ANKRD18B: variants seen among roughly 807,000 people sequenced by gnomAD.
ANKRD18B encodes the protein ankyrin repeat domain-containing protein 18B.
In ANKRD18B, 75 loss-of-function variants were observed where a neutral mutation model predicts 111.8. That is an observed-to-expected ratio of 0.67 (90% confidence interval 0.56 to 0.81). The LOEUF (loss-of-function observed/expected upper bound fraction) is 0.81, where lower values mean the gene tolerates loss of function less well. Among genes scored for constraint, ANKRD18B ranks in the 40% least tolerant of loss-of-function variants. ANKRD18B has a pLI of 0.00. For synonymous variants in ANKRD18B, 356 were observed against 417.3 expected, an observed-to-expected ratio of 0.85 and a Z score of 1.79; for missense variants, 1,038 against 1,225.5, an observed-to-expected ratio of 0.85 and a Z score of 2.28.
intron 16 of ANKRD18B, 65 bp from the exon 17 acceptor site, chr9:33,568,606 C>G (rs1828721145): frequency 7.2e-7 from 1 of 1,388,618 alleles, no homozygotes; most frequent in Non-Finnish European, 9.5e-7. Context: ...TTAAAAAATG[C>G]AAGTCATTAA....
chr9:33,572,645 A>G lies in ANKRD18B; in HGVS notation c.*211A>G, dbSNP rs1390973368. ...GTGTTATTGAGTTTGACCTACTCAAATTGCCTGAATGTCAGCTGTTTAAAC... is the reference window on the plus strand; with the variant it reads ...GTGTTATTGAGTTTGACCTACTCAAGTTGCCTGAATGTCAGCTGTTTAAAC... On this transcript the variant is annotated 3_prime_UTR_variant, in exon 19 of 19. Transcript: ENST00000684830. 8.6e-7 allele frequency: 1 copy of G among 1,161,582 alleles called. No homozygotes were observed. Among genetic ancestry groups the G allele is most frequent in the African/African-American group, 1.6e-5 (1 of 62,326 alleles). The allele number at this position is 1,161,582 out of a possible 1,614,324, so 72.0% of individuals were successfully genotyped here. A position where few individuals can be genotyped will look rare whatever the true frequency, so the allele number is the denominator to read the frequency against.
intron 17 of ANKRD18B, among the ~76,000 whole-genome samples, chr9:33,570,916 G>T (rs569204341): frequency 6.6e-6 from 1 of 152,222 alleles, no homozygotes; most frequent in Admixed American, 6.5e-5. Context: ...GATTACAGGC[G>T]TGAGCTGCCA....
At position 33,572,356 on chromosome 9, in the gene ANKRD18B, T is replaced by C. The variant is rs752182818; in HGVS notation, c.3264T>C (p.Ser1088=). 4 of 1,611,648 alleles carry C rather than the reference T, an allele frequency of 2.5e-6. No homozygotes were observed. Among genetic ancestry groups the C allele is most frequent in the Non-Finnish European group, 3.4e-6 (4 of 1,178,838 alleles). The part of the protein sequence containing the change: ...ALGPCSYLLS[S]LESTGKPHLM... Reference sequence around the variant, plus strand: ...GCCCTTGCTCCTATCTACTTTCTTCTCTAGAATCCACTGGTAAGCCACATC... The same window carrying C: ...GCCCTTGCTCCTATCTACTTTCTTCCCTAGAATCCACTGGTAAGCCACATC... The change falls in exon 19 of 19, where the codon TCT becomes TCC. Residue 1088 remains serine (S), a synonymous_variant. Transcript: ENST00000684830.
At chr9:33,568,418 G>A (rs915695189) in intron 16 of ANKRD18B, among the ~76,000 whole-genome samples, 1 of 152,184 alleles carries the variant, frequency 6.6e-6, no homozygotes, top group African/African-American at 2.4e-5. Context: ...ATCACTGATA[G>A]CCATTTCTCT....
rs765961031 is a variant in ANKRD18B, at chr9:33,572,274, A to G, written c.3224-42A>G. The G allele has an allele frequency of 1.8e-5, 26 of 1,476,398 alleles. No homozygotes were observed. The South Asian group carries it at 2.9e-4, about 17-fold the overall frequency. The allele number at this position is 1,476,398 out of a possible 1,614,324, so 91.5% of individuals were successfully genotyped here. A position where few individuals can be genotyped will look rare whatever the true frequency, so the allele number is the denominator to read the frequency against. ...TTAAACTTACACTTCGTTAACTGAAATGTTTTAGGTAAAGAACATAATCCT... is the reference window on the plus strand; with the variant it reads ...TTAAACTTACACTTCGTTAACTGAAGTGTTTTAGGTAAAGAACATAATCCT... On this transcript the variant is annotated intron_variant, in intron 18 of 18. Coordinates refer to ENST00000684830, the MANE Select transcript of ANKRD18B (RefSeq NM_001393611.1).
chr9:33,548,399 A>C lies in ANKRD18B; in HGVS notation c.1611A>C (p.Thr537=). ...ETMGSNISQL[T]DKNELLTEQV... ...TGGGTTCTAATATTTCTCAACTAAC[A>C]GATAAGAATGAGTTGCTTACTGAAC... Residue 537 remains threonine (T), a synonymous_variant, in exon 11 of 19, where the codon ACA becomes ACC. Transcript: ENST00000684830. 6.4e-7 allele frequency: 1 copy of C among 1,550,850 alleles called. No individual in the cohort carries two copies.
chr9:33,548,672 A>C lies in ANKRD18B; in HGVS notation c.1884A>C (p.Glu628Asp). The change falls in exon 11 of 19, where the codon GAA becomes GAC. Residue 628 changes from glutamate to aspartate, a missense_variant. By Grantham distance (45) the Glu-to-Asp change is conservative. Around this residue, in one of 4 missense-constraint regions of ANKRD18B, gnomAD observed 524 missense variants for 677.9 expected, o/e 0.77. Coordinates refer to ENST00000684830, the MANE Select transcript of ANKRD18B (RefSeq NM_001393611.1). ...RQRELENLLL[E>D]RQLEDARKEG... ...GAGAACTTGAAAATCTCTTGCTTGA[A>C]CGACAACTAGAGGATGCTCGTAAGG... is the stretch of plus-strand genomic sequence containing the variant. 6.4e-7 allele frequency: 1 copy of C among 1,551,268 alleles called. No individual in the cohort carries two copies. The highest frequency in any genetic ancestry group is 8.7e-7 in the Non-Finnish European group (1 of 1,146,672).
chr9:33,550,349 A>G (rs1828428341), intron 11 of ANKRD18B, 81 bp from the exon 12 acceptor site: 2 of 1,345,764 alleles, frequency 1.5e-6, no homozygotes, highest in Non-Finnish European at 2.0e-6. Context: ...TAATTTTCAA[A>G]GTATGTATGC....
chr9:33,536,658 C>T (rs1828206005), intron 5 of ANKRD18B, among the ~76,000 whole-genome samples: 1 of 152,208 alleles, frequency 6.6e-6, no homozygotes, highest in Non-Finnish European at 1.5e-5. Context: ...AATTAATTTA[C>T]TGAGCTATGC....
At chr9:33,570,895 C>CA (rs1335765403) in intron 17 of ANKRD18B, among the ~76,000 whole-genome samples, 2 of 152,146 alleles carry the variant, frequency 1.3e-5, no homozygotes, top group African/African-American at 4.8e-5. Flanking sequence ...ATTTGCCTCC[C>CA]AAAGTGCTGG....
chr9:33,525,767 T>C (rs533904593), intron 1 of ANKRD18B, among the ~76,000 whole-genome samples: 6 of 149,880 alleles, frequency 4.0e-5, no homozygotes, highest in Non-Finnish European at 5.9e-5. Context: ...TATATAAAAA[T>C]ATATATTCAG....
Position 33,548,065 on chromosome 9 carries a change from A to G in ANKRD18B, c.1277A>G (p.Tyr426Cys). 2 of 1,537,772 alleles carry G rather than the reference A, an allele frequency of 1.3e-6. No individual in the cohort carries two copies. The highest frequency in any genetic ancestry group is 1.8e-6 in the Non-Finnish European group (2 of 1,142,580). ...GACAGTCTCAGAAAGGAAAAGAAAT[A>G]TATTCAGGAAATTAAAAGTATTACA... is the stretch of plus-strand genomic sequence containing the variant. ...KNDSLRKEKK[Y>C]IQEIKSITEI... Residue 426 changes from tyrosine to cysteine, a missense_variant, in exon 11 of 19, where the codon TAT becomes TGT. Coordinates refer to ENST00000684830, the MANE Select transcript of ANKRD18B (RefSeq NM_001393611.1).
intron 15 of ANKRD18B, 121 bp downstream of exon 15, chr9:33,566,621 T>C: frequency 1.6e-6 from 2 of 1,226,394 alleles, no homozygotes; most frequent in East Asian, 2.8e-5. Context: ...ATTTCCTTTG[T>C]AGAGCTCTAG....
chr9:33,526,495 T>G (rs1339801583), intron 1 of ANKRD18B, among the ~76,000 whole-genome samples: 1 of 152,226 alleles, frequency 6.6e-6, no homozygotes, highest in Non-Finnish European at 1.5e-5. Context: ...TCTGAGCATT[T>G]GTATTTTAAA....
In ANKRD18B at chr9:33,571,298, T is replaced by C; in HGVS notation, c.3223+7T>C. On this transcript the variant is annotated splice_region_variant and intron_variant, in intron 18 of 18. Coordinates refer to ENST00000684830, the MANE Select transcript of ANKRD18B (RefSeq NM_001393611.1). ...ATTACAGAAACAAAGAAAAGTATGT[T>C]GCCAAAATGTATTAATTAAATTTAG... is the stretch of plus-strand genomic sequence containing the variant. 3 of 1,156,788 alleles carry C rather than the reference T, an allele frequency of 2.6e-6. No homozygotes were observed. Among genetic ancestry groups the C allele is most frequent in the Non-Finnish European group, 3.3e-6 (3 of 911,344 alleles). The allele number at this position is 1,156,788 out of a possible 1,614,324, so 71.7% of individuals were successfully genotyped here.
At position 33,529,133 on chromosome 9, in the gene ANKRD18B, G is replaced by C. The variant is rs1438589113; in HGVS notation, c.455G>C (p.Arg152Thr). The C allele has an allele frequency of 1.2e-6, 2 of 1,611,778 alleles. No individual in the cohort carries two copies. The highest frequency in any genetic ancestry group is 3.3e-5 in the Admixed American group (2 of 59,972). Residue 152 changes from arginine (R) to threonine (T), a missense_variant, in exon 3 of 19, where the codon AGA becomes ACA. Coordinates refer to ENST00000684830, the MANE Select transcript of ANKRD18B (RefSeq NM_001393611.1). ...AATGAGGGGACTTCACTGGCAGAAA[G>C]ACTGCTTTCCCACCATGCAAATATT... ...VYNEGTSLAERLLSHHANIEA... is the reference protein window; with the variant it reads ...VYNEGTSLAETLLSHHANIEA...
chr9:33,553,235 G>A (rs1828472925), intron 12 of ANKRD18B, among the ~76,000 whole-genome samples: 1 of 152,054 alleles, frequency 6.6e-6, no homozygotes, highest in African/African-American at 2.4e-5. Context: ...GGGCATGGTG[G>A]TGCATGCCTG....
chr9:33,551,885 T>C (rs1290280963), intron 12 of ANKRD18B, among the ~76,000 whole-genome samples: 1 of 152,220 alleles, frequency 6.6e-6, no homozygotes, highest in African/African-American at 2.4e-5. Flanking sequence ...CAATGTCCTC[T>C]TCTTGAAGCT....
chr9:33,548,588 A>G lies in ANKRD18B; in HGVS notation c.1800A>G (p.Glu600=). 1 of 1,551,432 alleles carries G rather than the reference A, an allele frequency of 6.4e-7. No individual in the cohort carries two copies. The highest frequency in any genetic ancestry group is 8.7e-7 in the Non-Finnish European group (1 of 1,146,690). Residue 600 remains glutamate, a synonymous_variant, in exon 11 of 19, where the codon GAA becomes GAG. Coordinates refer to ENST00000684830, the MANE Select transcript of ANKRD18B (RefSeq NM_001393611.1). ...KEMKQMHPNG[E]AKESQSIGKQ... ...TGAAGCAGATGCATCCAAATGGGGAAGCTAAAGAAAGTCAATCCATTGGAA... is the reference window on the plus strand; with the variant it reads ...TGAAGCAGATGCATCCAAATGGGGAGGCTAAAGAAAGTCAATCCATTGGAA...
Sources: gnomAD v4.1 joint callset for allele counts (sites outside exome capture counted in the v4.1 genomes callset) on GRCh38, gnomAD v4.1.1 for gene constraint, gnomAD v4.1.1 regional missense constraint, MANE v1.5 for transcripts, NCBI Gene and HGNC (gene_info 2026-07-23, HGNC 2026-07-21) for gene names.